The following DLGAP4 variants were observed in gnomAD, a reference collection of about 807,000 sequenced individuals.
DLGAP4 encodes disks large-associated protein 4.
A neutral mutation model predicts 86.9 loss-of-function variants in DLGAP4; 18 were observed. That is an observed-to-expected ratio of 0.21 (90% CI 0.14 to 0.31). The LOEUF (loss-of-function observed/expected upper bound fraction) is 0.31. Among genes scored for constraint, DLGAP4 ranks in the 10% least tolerant of loss-of-function variants. DLGAP4 has a pLI of 1.00. For synonymous variants in DLGAP4, 548 were observed against 574.3 expected (o/e 0.95, Z 0.65); for missense variants, 1,085 against 1,362.6 (o/e 0.80, Z 3.21).
chr20:36,439,432 G>A (rs1488908033), intron 4 of DLGAP4, among the ~76,000 whole-genome samples: 1 of 152,234 alleles, frequency 6.6e-6, no homozygotes, highest in Non-Finnish European at 1.5e-5. Flanking sequence ...GATAAGGGGT[G>A]AGTCTAGGGG....
At chr20:36,406,371 C>G (rs2032321578) in intron 2 of DLGAP4, among the ~76,000 whole-genome samples, 1 of 141,792 alleles carries the variant, frequency 7.1e-6, no homozygotes, top group Non-Finnish European at 1.5e-5. Flanking sequence ...GCACTCCAAC[C>G]TGGGTGACAG....
chr20:36,470,851 G>T (rs552041873), intron 7 of DLGAP4, among the ~76,000 whole-genome samples: 1 of 152,162 alleles, frequency 6.6e-6, no homozygotes, highest in East Asian at 1.9e-4. Flanking sequence ...TTCCATTGAC[G>T]GATAGACCAC....
intron 7 of DLGAP4, among the ~76,000 whole-genome samples, chr20:36,453,203 C>T (rs890851866): frequency 1.3e-4 from 20 of 152,172 alleles, no homozygotes; most frequent in Admixed American, 1.0e-3. Flanking sequence ...GTGCTGAGCA[C>T]GGTGCTATAA....
chr20:36,310,905 C>G (rs2147330519), intron 1 of DLGAP4, among the ~76,000 whole-genome samples: 1 of 152,110 alleles, frequency 6.6e-6, no homozygotes, highest in East Asian at 1.9e-4. Context: ...CAAAGACAAG[C>G]CCACTTCCTA....
intron 10 of DLGAP4, among the ~76,000 whole-genome samples, chr20:36,519,720 G>A (rs1429487607): frequency 6.6e-6 from 1 of 152,166 alleles, no homozygotes; most frequent in Admixed American, 6.5e-5. Context: ...GTAATGCACA[G>A]GGTTCCAATC....
intron 7 of DLGAP4, among the ~76,000 whole-genome samples, chr20:36,449,302 A>G (rs1487382696): frequency 2.0e-5 from 3 of 152,236 alleles, no homozygotes; most frequent in Non-Finnish European, 4.4e-5. Context: ...CATCTTGGGT[A>G]GAATCCTCTG....
intron 11 of DLGAP4, 135 bp from the exon 12 acceptor site, chr20:36,525,716 C>A (rs2037710619): frequency 8.4e-7 from 1 of 1,184,468 alleles, no homozygotes; most frequent in Non-Finnish European, 1.2e-6. Flanking sequence ...CATACAGATA[C>A]TTACCCAGAC....
chr20:36,328,512 G>A (rs1431833146), intron 1 of DLGAP4, among the ~76,000 whole-genome samples: 1 of 150,720 alleles, frequency 6.6e-6, no homozygotes, highest in Non-Finnish European at 1.5e-5. Flanking sequence ...GCATAGACAA[G>A]AATGCAGGGA....
chr20:36,347,336 C>T (rs1555893121), intron 1 of DLGAP4, among the ~76,000 whole-genome samples: 1 of 152,070 alleles, frequency 6.6e-6, no homozygotes, highest in Non-Finnish European at 1.5e-5. Context: ...AAGATGGATT[C>T]TTTAGTGTGT....
chr20:36,482,134 G>A (rs961220407), intron 7 of DLGAP4, among the ~76,000 whole-genome samples: 1 of 152,116 alleles, frequency 6.6e-6, no homozygotes, highest in Non-Finnish European at 1.5e-5. Flanking sequence ...CTAGGCTGCC[G>A]AGGGATCTTG....
intron 10 of DLGAP4, among the ~76,000 whole-genome samples, chr20:36,511,857 A>G (rs2036715368): frequency 6.8e-6 from 1 of 147,984 alleles, no homozygotes; most frequent in African/African-American, 2.5e-5. Context: ...CCTGGGCGAC[A>G]GAGGGAGACC....
chr20:36,387,504 T>C (rs1018510688), intron 2 of DLGAP4, among the ~76,000 whole-genome samples: 2 of 152,214 alleles, frequency 1.3e-5, no homozygotes, highest in Admixed American at 6.5e-5. Flanking sequence ...ACTTTGGGGG[T>C]AGTAAAATTT....
chr20:36,392,333 G>T (rs897956463), intron 2 of DLGAP4, among the ~76,000 whole-genome samples: 1 of 152,166 alleles, frequency 6.6e-6, no homozygotes, highest in Non-Finnish European at 1.5e-5. Flanking sequence ...CCTTAGGATT[G>T]CCTGTCATTC....
intron 2 of DLGAP4, among the ~76,000 whole-genome samples, chr20:36,418,565 C>T (rs73105123): frequency 9.3e-4 from 142 of 152,270 alleles, no homozygotes; most frequent in Non-Finnish European, 1.8e-3. Context: ...CCCTGTGACC[C>T]ACAGAGTCTC....
In DLGAP4 at chr20:36,436,140, C is replaced by T. The variant is rs754956965; in HGVS notation, c.1031C>T (p.Thr344Met). 6.9e-6 allele frequency: 11 copies of T among 1,590,342 alleles called. No individual in the cohort carries two copies. Among genetic ancestry groups the T allele is most frequent in the Non-Finnish European group, 9.4e-6 (11 of 1,174,514 alleles). Residue 344 changes from threonine (T) to methionine (M), a missense_variant, in exon 4 of 13, where the codon ACG (threonine) becomes ATG (methionine). Thr to Met is a moderately conservative substitution (Grantham distance 81). This residue lies in a region of DLGAP4 where 1,082 missense variants were observed against 1,344.1 expected (regional missense o/e 0.81). Transcript: ENST00000339266. ...GGCGGCGGCGGCGAGTGGAGCACCACGCTGCTGTCCCCACGCGAGACGGAT... is the reference window on the plus strand; with the variant it reads ...GGCGGCGGCGGCGAGTGGAGCACCATGCTGCTGTCCCCACGCGAGACGGAT... ...VPGGGGEWST[T>M]LLSPRETDAA...
At chr20:36,368,583 G>T (rs1016464494) in intron 2 of DLGAP4, among the ~76,000 whole-genome samples, 10 of 152,210 alleles carry the variant, frequency 6.6e-5, no homozygotes, top group African/African-American at 2.4e-4. Flanking sequence ...CTAGTCTGTT[G>T]TTGCGGCTGC....
chr20:36,366,877 G>A (rs992573370), intron 1 of DLGAP4, among the ~76,000 whole-genome samples, 168 bp from the exon 2 acceptor site: 2 of 152,156 alleles, frequency 1.3e-5, no homozygotes, highest in African/African-American at 4.8e-5. Context: ...ACATGAGCCG[G>A]GATGCCAGGG....
intron 2 of DLGAP4, among the ~76,000 whole-genome samples, chr20:36,384,084 G>GAGA (rs1255471955): frequency 2.0e-5 from 3 of 150,794 alleles, no homozygotes; most frequent in Non-Finnish European, 3.0e-5. Flanking sequence ...AAAAAAAGAA[G>GAGA]CTTTCATTGC....
At chr20:36,376,784 C>T (rs923826679) in intron 2 of DLGAP4, among the ~76,000 whole-genome samples, 2 of 152,150 alleles carry the variant, frequency 1.3e-5, no homozygotes, top group Admixed American at 6.5e-5. Context: ...TCCAGGGTCC[C>T]GCGTCTCTTC....
Sources: allele counts gnomAD v4.1 joint callset (sites outside exome capture counted in the v4.1 genomes callset), GRCh38; gene constraint gnomAD v4.1.1; regional missense constraint gnomAD v4.1.1; transcripts MANE v1.5; gene names NCBI Gene and HGNC (gene_info 2026-07-23, HGNC 2026-07-21).